Variants in MSR1 observed in about 807,000 individuals in gnomAD.
MSR1 encodes macrophage scavenger receptor 1, also known as macrophage scavenger receptor types I and II.
A neutral mutation model predicts 47.2 loss-of-function variants in MSR1; 53 were observed. The observed-to-expected ratio is 1.12, with a 90% confidence interval of 0.90 to 1.41. The LOEUF is 1.41. Among genes scored for constraint, MSR1 ranks in the 40% most tolerant of loss-of-function variants. MSR1 has a pLI of 0.00. For missense variants in MSR1, 786 were observed against 546.9 expected, an observed-to-expected ratio of 1.44 and a Z score of -4.36; for synonymous variants, 239 against 185.6, an observed-to-expected ratio of 1.29 and a Z score of -2.34.
intron 9 of MSR1, among the ~76,000 whole-genome samples, chr8:16,111,037 CT>C (rs11325120): frequency 0.059 from 8,955 of 152,136 alleles, 371 homozygotes; most frequent in African/African-American, 0.12. Context: ...GCCAGGGACA[CT>C]TTTTAGTTCC....
At chr8:16,113,160 G>A (rs1428360773) in intron 9 of MSR1, among the ~76,000 whole-genome samples, 1 of 151,786 alleles carries the variant, frequency 6.6e-6, no homozygotes, top group Non-Finnish European at 1.5e-5. Flanking sequence ...ATGTTGGCCA[G>A]AATGGTCTCG....
intron 4 of MSR1, among the ~76,000 whole-genome samples, chr8:16,165,723 G>C (rs978026526): frequency 1.3e-5 from 2 of 152,138 alleles, no homozygotes; most frequent in Admixed American, 6.5e-5. Context: ...GCTTAGGTGA[G>C]AGGATCAAGA....
chr8:16,175,287 G>A lies in MSR1; in HGVS notation c.117C>T (p.Ser39=). 6.2e-7 allele frequency: 1 copy of A among 1,613,864 alleles called. No homozygotes were observed. Among genetic ancestry groups the A allele is most frequent in the Non-Finnish European group, 8.5e-7 (1 of 1,179,828 alleles). The part of the protein sequence containing the change: ...TALLPPNPKN[S]PSLQEKLKSF... Reference sequence around the variant, plus strand: ...ACTTCAGTTTCTCTTGAAGGGAAGGGCTGTTTTTAGGATCTAATAAAACAA... The same window carrying A: ...ACTTCAGTTTCTCTTGAAGGGAAGGACTGTTTTTAGGATCTAATAAAACAA... Residue 39 remains serine, a synonymous_variant, in exon 3 of 10, where the codon AGC becomes AGT. Coordinates refer to ENST00000262101, the MANE Select transcript of MSR1 (RefSeq NM_138715.3).
At chr8:16,115,587 A>AT (rs1249173280) in intron 9 of MSR1, among the ~76,000 whole-genome samples, 1 of 152,084 alleles carries the variant, frequency 6.6e-6, no homozygotes, top group Non-Finnish European at 1.5e-5. Context: ...TGTTGGTTCT[A>AT]TTTTTTTCTC....
intron 8 of MSR1, among the ~76,000 whole-genome samples, chr8:16,133,282 T>C (rs1278212345): frequency 1.3e-5 from 2 of 152,178 alleles, no homozygotes; most frequent in Non-Finnish European, 2.9e-5. Flanking sequence ...TATATCAATG[T>C]TGTAATCTTC....
At chr8:16,191,744 T>A (rs1430440630) in intron 1 of MSR1, among the ~76,000 whole-genome samples, 1 of 152,110 alleles carries the variant, frequency 6.6e-6, no homozygotes, top group Non-Finnish European at 1.5e-5. Context: ...GCATAAAACA[T>A]CTGTAATCTC....
chr8:16,113,832 G>A (rs1799816475), intron 9 of MSR1, among the ~76,000 whole-genome samples: 1 of 152,058 alleles, frequency 6.6e-6, no homozygotes, highest in African/African-American at 2.4e-5. Flanking sequence ...CCATCTGGTG[G>A]AGAAAGCATG....
At chr8:16,176,799 T>C (rs1801661293) in intron 2 of MSR1, among the ~76,000 whole-genome samples, 1 of 152,178 alleles carries the variant, frequency 6.6e-6, no homozygotes, top group Non-Finnish European at 1.5e-5. Context: ...CACTGTTATC[T>C]TTTCTTACAT....
intron 9 of MSR1, among the ~76,000 whole-genome samples, chr8:16,120,178 C>G (rs1336653522): frequency 6.6e-6 from 1 of 151,838 alleles, no homozygotes; most frequent in African/African-American, 2.4e-5. Flanking sequence ...GAGATCGAGA[C>G]CATCCTGGCT....
intron 2 of MSR1, among the ~76,000 whole-genome samples, chr8:16,177,179 A>C: frequency 6.6e-6 from 1 of 152,204 alleles, no homozygotes; most frequent in South Asian, 2.1e-4. Flanking sequence ...CAGATATGTT[A>C]AAGTTTTAAC....
rs1170741911 is a variant in MSR1, at chr8:16,108,062, A to G, written c.*2023T>C. The G allele has an allele frequency of 9.2e-5, 14 of 151,632 alleles. No homozygotes were observed. The highest frequency in any genetic ancestry group is 4.4e-5 in the Non-Finnish European group (3 of 67,858). 9.4% of individuals were successfully genotyped at this position (151,632 alleles called of 1,614,324 possible). On this transcript the variant is annotated 3_prime_UTR_variant, in exon 10 of 10. Coordinates refer to ENST00000262101, the MANE Select transcript of MSR1 (RefSeq NM_138715.3). ...AGATATATCTATGCATAAGTGGTAA[A>G]TCAGCATGCATATACCATACAGCAA...
chr8:16,110,280 G>T, intron 9 of MSR1, 62 bp from the exon 10 acceptor site: 1 of 1,571,766 alleles, frequency 6.4e-7, no homozygotes, highest in Non-Finnish European at 8.7e-7. Context: ...CTTTGAGTGG[G>T]GCAAAGCCAT....
At chr8:16,130,199 T>C (rs958133012) in intron 8 of MSR1, among the ~76,000 whole-genome samples, 2 of 152,182 alleles carry the variant, frequency 1.3e-5, no homozygotes, top group African/African-American at 4.8e-5. Context: ...CGACACAACA[T>C]ACAGGTATAT....
Position 16,110,049 on chromosome 8 carries a change from C to T in MSR1, c.*36G>A, listed in dbSNP as rs770925136. ...ACAAGGTAATAAAATCATTTTTGAGCAGCGATTTCATAGTTGTGAATGAAA... is the reference window on the plus strand; with the variant it reads ...ACAAGGTAATAAAATCATTTTTGAGTAGCGATTTCATAGTTGTGAATGAAA... On this transcript the variant is annotated 3_prime_UTR_variant, in exon 10 of 10. Transcript: ENST00000262101. The T allele has an allele frequency of 4.3e-6, 7 of 1,611,110 alleles. No individual in the cohort carries two copies. In the Admixed American group the frequency reaches 8.3e-5, roughly 19 times the overall value.
intron 8 of MSR1, chr8:16,120,947 A>G (rs1296372492): frequency 1.2e-5 from 4 of 341,430 alleles, no homozygotes; most frequent in Non-Finnish European, 2.2e-5. Flanking sequence ...CCATTGAAAA[A>G]TTATAACTAA....
At chr8:16,172,876 A>G (rs559609938) in intron 3 of MSR1, among the ~76,000 whole-genome samples, 1 of 152,248 alleles carries the variant, frequency 6.6e-6, no homozygotes, top group Admixed American at 6.5e-5. Context: ...CCATGAATTC[A>G]TATTTGCCAA....
chr8:16,164,041 T>C, intron 5 of MSR1, 24 bp downstream of exon 5: 5 of 1,563,268 alleles, frequency 3.2e-6, no homozygotes, highest in Non-Finnish European at 4.4e-6. Flanking sequence ...TATCATTTTC[T>C]GGAGAAATGA....
rs78939364 is a variant in MSR1 at position 16,191,976 on chromosome 8, A to G, written c.-5+622T>C. ...GCATTTTCATACTACTTAAGGTGCT[A>G]GTAATTATCTATAGTACTTTCATAC... On this transcript the variant is annotated intron_variant, in intron 1 of 9. Transcript: ENST00000262101. Among the ~76,000 whole-genome samples, 894 of 152,304 alleles carry G rather than the reference A, an allele frequency of 5.9e-3. 26 individuals carry two copies. In the East Asian group the frequency reaches 0.099, roughly 17 times the overall value.
chr8:16,113,002 G>A (rs1044998284), intron 9 of MSR1, among the ~76,000 whole-genome samples: 5 of 142,084 alleles, frequency 3.5e-5, no homozygotes, highest in Non-Finnish European at 7.5e-5. Flanking sequence ...CCAGGCTGGA[G>A]TGCAATGGCG....
Sources: allele counts gnomAD v4.1 joint callset (sites outside exome capture counted in the v4.1 genomes callset), GRCh38; gene constraint gnomAD v4.1.1; transcripts MANE v1.5; gene names NCBI Gene and HGNC (gene_info 2026-07-23, HGNC 2026-07-21).